POC1A: variants seen among roughly 807,000 people sequenced by gnomAD.
The protein encoded by POC1A is POC1 centriolar protein A.
In POC1A, 34 loss-of-function variants were observed where a neutral mutation model predicts 47.8. The observed-to-expected ratio is 0.71, with a 90% CI of 0.54 to 0.95. The LOEUF (loss-of-function observed/expected upper bound fraction) is 0.95. Ranked by LOEUF, POC1A falls within the 40% of genes least tolerant of loss-of-function variation. The pLI is 0.00. For missense variants in POC1A, 466 were observed against 528.3 expected (o/e 0.88, Z 1.16); for synonymous variants, 177 against 207.6 (o/e 0.85, Z 1.27).
chr3:52,125,949 C>T (rs1173024697), intron 7 of POC1A, among the ~76,000 whole-genome samples: 3 of 152,166 alleles, frequency 2.0e-5, no homozygotes, highest in African/African-American at 7.2e-5. Context: ...GAGGGTTCTT[C>T]CCCACATACC....
At chr3:52,141,877 C>T (rs766042343) in intron 6 of POC1A, among the ~76,000 whole-genome samples, 3 of 152,112 alleles carry the variant, frequency 2.0e-5, no homozygotes, top group African/African-American at 4.8e-5. Context: ...ATGTATCAGG[C>T]CAGGCGGGGG....
At position 52,125,188 on chromosome 3, in the gene POC1A, G is replaced by A. The variant is rs1413644169; in HGVS notation, c.814-7C>T. 1 of 1,610,090 alleles carries A rather than the reference G, an allele frequency of 6.2e-7. No homozygotes were observed. The highest frequency in any genetic ancestry group is 1.7e-5 in the Admixed American group (1 of 59,312). On this transcript the variant is annotated splice_polypyrimidine_tract_variant and splice_region_variant and intron_variant, in intron 7 of 10. Transcript: ENST00000296484. ...CAACAGTGGTGGCTGGTCCCTGGCA[G>A]AACAAACAAAAAATAACACACATCA... is the stretch of plus-strand genomic sequence containing the variant.
At chr3:52,141,107 A>G (rs1203242526) in intron 6 of POC1A, among the ~76,000 whole-genome samples, 1 of 152,168 alleles carries the variant, frequency 6.6e-6, no homozygotes, top group Admixed American at 6.5e-5. Context: ...ATACACCAAC[A>G]TCAAACTTCT....
At chr3:52,148,752 G>T (rs1698454057) in intron 4 of POC1A, among the ~76,000 whole-genome samples, 1 of 152,236 alleles carries the variant, frequency 6.6e-6, no homozygotes, top group Non-Finnish European at 1.5e-5. Flanking sequence ...TCAAACTCCA[G>T]CTCTGCCACA....
Position 52,151,036 on chromosome 3 carries a change from C to A in POC1A, c.83G>T (p.Ser28Ile). The A allele has an allele frequency of 6.2e-7, 1 of 1,613,778 alleles. No homozygotes were observed. Among genetic ancestry groups the A allele is most frequent in the Non-Finnish European group, 8.5e-7 (1 of 1,179,848 alleles). The change falls in exon 2 of 11, where the codon AGT becomes ATT. Residue 28 changes from serine to isoleucine, a missense_variant. By Grantham distance (142) the Ser-to-Ile change is moderately radical (BLOSUM62 -2). Coordinates refer to ENST00000296484, the MANE Select transcript of POC1A (RefSeq NM_015426.5). The stretch of plus-strand genomic sequence containing the variant: ...CTTACCCAGCTGCTTTGTGTTGATA[C>A]TGAAGTCCACACAGGTAACTGCATC... The part of the protein sequence containing the change: ...HRDAVTCVDF[S>I]INTKQLASGS...
At chr3:52,138,585 C>G (rs1330853799) in intron 6 of POC1A, among the ~76,000 whole-genome samples, 1 of 152,232 alleles carries the variant, frequency 6.6e-6, no homozygotes, top group East Asian at 1.9e-4. Context: ...ATTCCTCCAT[C>G]CTCTCCCACA....
intron 10 of POC1A, among the ~76,000 whole-genome samples, chr3:52,083,907 G>A (rs1702378592): frequency 6.6e-6 from 1 of 152,246 alleles, no homozygotes; most frequent in African/African-American, 2.4e-5. Flanking sequence ...GCACACTCTT[G>A]GAACTGTCAG....
chr3:52,150,547 A>C, intron 2 of POC1A, among the ~76,000 whole-genome samples: 1 of 152,146 alleles, frequency 6.6e-6, no homozygotes, highest in African/African-American at 2.4e-5. Context: ...CAACCAAGGA[A>C]GGGGGACAGT....
chr3:52,099,628 A>C (rs544708740), intron 9 of POC1A, among the ~76,000 whole-genome samples: 61 of 152,352 alleles, frequency 4.0e-4, no homozygotes, highest in South Asian at 1.9e-3. Flanking sequence ...AGGCAGGTGG[A>C]TCACTTGAGG....
At chr3:52,086,832 CAA>C (rs1172900459) in intron 10 of POC1A, among the ~76,000 whole-genome samples, 3 of 152,262 alleles carry the variant, frequency 2.0e-5, no homozygotes, top group East Asian at 3.8e-4. Flanking sequence ...GTGATGAGGA[CAA>C]AGATTGTTCT....
At chr3:52,153,567 G>GGACAC (rs1698623175) in intron 1 of POC1A, among the ~76,000 whole-genome samples, 2 of 152,252 alleles carry the variant, frequency 1.3e-5, no homozygotes, top group Admixed American at 1.3e-4. Context: ...GTAAGAGAGT[G>GGACAC]TCCGCCCCTA....
At chr3:52,139,462 T>G (rs534068195) in intron 6 of POC1A, among the ~76,000 whole-genome samples, 1 of 152,122 alleles carries the variant, frequency 6.6e-6, no homozygotes, top group South Asian at 2.1e-4. Context: ...CGTAGAACTT[T>G]TTTACCCCTT....
At chr3:52,141,726 C>T (rs565042829) in intron 6 of POC1A, among the ~76,000 whole-genome samples, 48 of 152,230 alleles carry the variant, frequency 3.2e-4, no homozygotes, top group African/African-American at 9.1e-4. Context: ...TGGTGACTCA[C>T]GCCTGTAATC....
chr3:52,090,484 G>C lies in POC1A; in HGVS notation c.1125+6085C>G, dbSNP rs1447607701. Among the ~76,000 whole-genome samples the C allele has an allele frequency of 6.6e-6, 1 of 152,166 alleles. No individual in the cohort carries two copies. The highest frequency in any genetic ancestry group is 6.5e-5 in the Admixed American group (1 of 15,288). ...CCCCTTGCCCTAAGGAAGGCCCAGG[G>C]CCTCTGCAACTTCCAGACACCACTG... On this transcript the variant is annotated intron_variant, in intron 10 of 10. Coordinates refer to ENST00000296484, the MANE Select transcript of POC1A (RefSeq NM_015426.5). The surrounding 1 kb of genome is among the most constrained non-coding windows in gnomAD (Gnocchi z 4.2).
intron 7 of POC1A, 139 bp from the exon 8 acceptor site, chr3:52,125,320 A>G: frequency 1.5e-6 from 1 of 675,854 alleles, no homozygotes; most frequent in Non-Finnish European, 2.5e-6. Context: ...AGTCCTCCGT[A>G]ACCTGTAGCC....
chr3:52,153,491 G>C (rs1268512310), intron 1 of POC1A, among the ~76,000 whole-genome samples: 2 of 152,202 alleles, frequency 1.3e-5, no homozygotes, highest in East Asian at 3.9e-4. Flanking sequence ...ACAGAGGGAG[G>C]AGCAGCTGGG....
At chr3:52,125,234 A>C in intron 7 of POC1A, 53 bp from the exon 8 acceptor site, 1 of 1,392,066 alleles carries the variant, frequency 7.2e-7, no homozygotes, top group South Asian at 1.2e-5. Context: ...TCCATTCTAA[A>C]TGCACAGGAA....
chr3:52,147,792 T>C (rs1698417626), intron 4 of POC1A, among the ~76,000 whole-genome samples: 1 of 152,140 alleles, frequency 6.6e-6, no homozygotes, highest in Non-Finnish European at 1.5e-5. Context: ...ATTTTTTTCT[T>C]CCTGAATCTG....
intron 9 of POC1A, among the ~76,000 whole-genome samples, chr3:52,098,358 T>G (rs568641020): frequency 6.6e-6 from 1 of 152,106 alleles, no homozygotes; most frequent in Admixed American, 6.5e-5. Flanking sequence ...GAATGGAAAA[T>G]GTGAGTTTCT....
Sources: gnomAD v4.1 joint callset for allele counts (sites outside exome capture counted in the v4.1 genomes callset) on GRCh38, gnomAD v4.1.1 for gene constraint, Gnocchi (gnomAD v3.1) non-coding constraint, MANE v1.5 for transcripts, NCBI Gene and HGNC (gene_info 2026-07-23, HGNC 2026-07-21) for gene names.